Variants in CHST10 observed in about 807,000 individuals in gnomAD.
CHST10 encodes the protein HNK-1 sulfotransferase.
Under a neutral mutation model 34.7 loss-of-function variants are expected in CHST10, and 24 were observed. That is an observed-to-expected ratio of 0.69 (90% CI 0.50 to 0.97). The LOEUF (loss-of-function observed/expected upper bound fraction) is 0.97, where lower values mean the gene tolerates loss of function less well. Among genes scored for constraint, CHST10 ranks in the 50% least tolerant of loss-of-function variants. CHST10 has a pLI of 0.00. For missense variants in CHST10, 402 were observed against 452.1 expected (o/e 0.89, Z 1.00); for synonymous variants, 161 against 169.3 (o/e 0.95, Z 0.38).
rs762993970 is a variant in CHST10, at chr2:100,393,788, G to GA, written c.534-7dup. The GA allele has an allele frequency of 1.9e-6, 3 of 1,596,928 alleles. No individual in the cohort carries two copies. The highest frequency in any genetic ancestry group is 1.7e-5 in the Admixed American group (1 of 58,382). On this transcript the variant is annotated splice_polypyrimidine_tract_variant and splice_region_variant and intron_variant, in intron 6 of 6. Coordinates refer to ENST00000264249, the MANE Select transcript of CHST10 (RefSeq NM_004854.5). ...ACTTGAAGTATGTTTTCAATCTAAG[G>GA]AAAAAAACGAACAAGAGGTTAACTT...
chr2:100,397,319 C>A (rs1361512762), intron 5 of CHST10, among the ~76,000 whole-genome samples: 1 of 152,224 alleles, frequency 6.6e-6, no homozygotes, highest in Non-Finnish European at 1.5e-5. Context: ...TAATTTGTTC[C>A]CTAGCAAACA....
rs908045172 is a variant in CHST10 at position 100,392,266 on chromosome 2, T to C, written c.*979A>G. 3 of 152,696 alleles carry C rather than the reference T, an allele frequency of 2.0e-5. No homozygotes were observed. The highest frequency in any genetic ancestry group is 1.3e-4 in the Admixed American group (2 of 15,290). The allele number at this position is 152,696 out of a possible 1,614,324, so 9.5% of individuals were successfully genotyped here. A position where few individuals can be genotyped will look rare whatever the true frequency, so the allele number is the denominator to read the frequency against. The stretch of plus-strand genomic sequence containing the variant: ...ATGAAAGGAATCGAAATGTATAAAC[T>C]ACACTGAATTCTGTGATGCTGGCAG... On this transcript the variant is annotated 3_prime_UTR_variant, in exon 7 of 7. Transcript: ENST00000264249.
chr2:100,395,004 C>A (rs944259226), intron 6 of CHST10, among the ~76,000 whole-genome samples: 14 of 152,136 alleles, frequency 9.2e-5, no homozygotes, highest in African/African-American at 3.1e-4. Flanking sequence ...CAGGCATGAG[C>A]CACTGCGCCC....
chr2:100,411,432 TG>T (rs1490587802), intron 2 of CHST10, among the ~76,000 whole-genome samples: 6 of 152,152 alleles, frequency 3.9e-5, no homozygotes, highest in Non-Finnish European at 8.8e-5. Context: ...TTTAGAAAAC[TG>T]GGACTTGTTC....
At position 100,395,678 on chromosome 2, in the gene CHST10, G is replaced by A; in HGVS notation, c.428-64C>T. On this transcript the variant is annotated intron_variant, in intron 5 of 6. Coordinates refer to ENST00000264249, the MANE Select transcript of CHST10 (RefSeq NM_004854.5). ...CAGTACGCCCCTTAGAGAAGGGCAT[G>A]TCCTTACCTCATCTTTACCTTGGGC... is the stretch of plus-strand genomic sequence containing the variant. 2.4e-6 allele frequency: 3 copies of A among 1,268,082 alleles called. No individual in the cohort carries two copies. The South Asian group carries it at 3.6e-5, about 15-fold the overall frequency. 78.6% of individuals were successfully genotyped at this position (1,268,082 alleles called of 1,614,324 possible).
chr2:100,417,437 G>A lies in CHST10; in HGVS notation c.-167C>T. 1 of 176,276 alleles carries A rather than the reference G, an allele frequency of 5.7e-6. No individual in the cohort carries two copies. Among genetic ancestry groups the A allele is most frequent in the Non-Finnish European group, 1.2e-5 (1 of 83,244 alleles). The allele number at this position is 176,276 out of a possible 1,614,324, so 10.9% of individuals were successfully genotyped here. A position where few individuals can be genotyped will look rare whatever the true frequency, so the allele number is the denominator to read the frequency against. On this transcript the variant is annotated 5_prime_UTR_variant, in exon 1 of 7. Coordinates refer to ENST00000264249, the MANE Select transcript of CHST10 (RefSeq NM_004854.5). ...CCCCTGGCCCTGGGGGCGCCGCGCG[G>A]GTCGGGCTTCGCCGGGCCTGTGGGC...
At position 100,400,438 on chromosome 2, in the gene CHST10, G is replaced by C. The variant is rs371793518; in HGVS notation, c.192+2126C>G. Among the ~76,000 whole-genome samples the C allele has an allele frequency of 3.7e-3, 559 of 152,206 alleles. 2 individuals carry two copies. The highest frequency in any genetic ancestry group is 6.6e-3 in the South Asian group (32 of 4,820). On this transcript the variant is annotated intron_variant, in intron 4 of 6. Transcript: ENST00000264249. ...TATTTTGTGTAGAGATGAGGTCTCA[G>C]TATATTGCCCAGGCTGGTCTCAAAC...
In CHST10 at chr2:100,393,065, A is replaced by G. The variant is rs1036049004; in HGVS notation, c.*180T>C. On this transcript the variant is annotated 3_prime_UTR_variant, in exon 7 of 7. Transcript: ENST00000264249. ...AGGGTCCTCAGAGCATCTTACATCC[A>G]AACTAAGTTGTAACAGTTGGGGTTC... 9 of 643,616 alleles carry G rather than the reference A, an allele frequency of 1.4e-5. No homozygotes were observed. The Admixed American group carries it at 1.8e-4, about 13-fold the overall frequency. 39.9% of individuals were successfully genotyped at this position (643,616 alleles called of 1,614,324 possible).
chr2:100,407,472 A>G (rs991129004), intron 2 of CHST10, among the ~76,000 whole-genome samples: 5 of 152,212 alleles, frequency 3.3e-5, no homozygotes, highest in Non-Finnish European at 7.3e-5. Context: ...TCTTCAAGCC[A>G]AAGCTCTCCA....
At chr2:100,396,474 G>C (rs1222120451) in intron 5 of CHST10, among the ~76,000 whole-genome samples, 1 of 152,198 alleles carries the variant, frequency 6.6e-6, no homozygotes, top group Non-Finnish European at 1.5e-5. Flanking sequence ...AATCCGGTAG[G>C]GTTAAGATTG....
intron 2 of CHST10, 22 bp from the exon 3 acceptor site, chr2:100,406,729 C>T (rs1240081051): frequency 3.1e-6 from 5 of 1,609,418 alleles, no homozygotes; most frequent in East Asian, 2.2e-5. Context: ...AAGCGAGATG[C>T]CCCTGCTGCT....
intron 2 of CHST10, 89 bp from the exon 3 acceptor site, chr2:100,406,796 A>T (rs1675599744): frequency 6.6e-7 from 1 of 1,518,150 alleles, no homozygotes; most frequent in African/African-American, 1.4e-5. Flanking sequence ...TTCAGTCAGT[A>T]AGTATCAGCA....
intron 5 of CHST10, among the ~76,000 whole-genome samples, chr2:100,396,069 C>G (rs989607473): frequency 1.3e-5 from 2 of 152,224 alleles, no homozygotes; most frequent in African/African-American, 2.4e-5. Flanking sequence ...CTTCACAGCC[C>G]CATCCCATAG....
chr2:100,406,435 G>C, intron 3 of CHST10, 141 bp downstream of exon 3: 11 of 867,514 alleles, frequency 1.3e-5, no homozygotes, highest in East Asian at 5.7e-5. Flanking sequence ...ATGAAGGAAC[G>C]GAGGCCATGA....
At chr2:100,403,537 C>T (rs1002750725) in intron 3 of CHST10, among the ~76,000 whole-genome samples, 1 of 152,150 alleles carries the variant, frequency 6.6e-6, no homozygotes, top group Non-Finnish European at 1.5e-5. Context: ...CAGCAACTCA[C>T]GACAACCATG....
chr2:100,406,801 T>A (rs942999894), intron 2 of CHST10, 94 bp from the exon 3 acceptor site: 1 of 1,498,666 alleles, frequency 6.7e-7, no homozygotes, highest in South Asian at 1.3e-5. Flanking sequence ...TCAGTAAGTA[T>A]CAGCACAAAT....
rs773239496 is a variant in CHST10, at chr2:100,393,693, C to T, written c.623G>A (p.Arg208Gln). 6 of 1,614,050 alleles carry T rather than the reference C, an allele frequency of 3.7e-6. No individual in the cohort carries two copies. The highest frequency in any genetic ancestry group is 5.1e-6 in the Non-Finnish European group (6 of 1,180,002). ...AFKDKFVHNP[R>Q]FEPWYRHEIA... is the part of the protein sequence containing the mutation. ...CTCATGCCTGTACCAAGGCTCAAAC[C>T]GGGGATTGTGAACAAATTTATCCTT... The change falls in exon 7 of 7, where the codon CGG (arginine) becomes CAG (glutamine). Residue 208 changes from arginine (R) to glutamine (Q), a missense_variant. Transcript: ENST00000264249.
intron 1 of CHST10, chr2:100,416,096 A>G (rs187917079): frequency 3.3e-4 from 50 of 152,366 alleles, no homozygotes; most frequent in African/African-American, 1.2e-3. Context: ...CATGTACGGC[A>G]TTTGATGGTC....
intron 4 of CHST10, among the ~76,000 whole-genome samples, chr2:100,400,427 A>T (rs1356653710): frequency 6.6e-6 from 1 of 152,056 alleles, no homozygotes; most frequent in African/African-American, 2.4e-5. Context: ...TTGTGTAGAG[A>T]TGAGGTCTCA....
Sources: gnomAD v4.1 joint callset for allele counts (sites outside exome capture counted in the v4.1 genomes callset) on GRCh38, gnomAD v4.1.1 for gene constraint, MANE v1.5 for transcripts, NCBI Gene and HGNC (gene_info 2026-07-23, HGNC 2026-07-21) for gene names.